Variants in NECTIN1 observed in about 807,000 individuals in gnomAD.
The protein encoded by NECTIN1 is nectin cell adhesion molecule 1.
Under a neutral mutation model 48.0 loss-of-function variants are expected in NECTIN1, and 23 were observed. The observed-to-expected ratio is 0.48, with a 90% CI of 0.34 to 0.68. The LOEUF is 0.68. Among genes scored for constraint, NECTIN1 ranks in the 30% least tolerant of loss-of-function variants. The pLI, the probability that NECTIN1 is intolerant of heterozygous loss-of-function variation, is 0.01. For missense variants in NECTIN1, 591 were observed against 709.9 expected (o/e 0.83, Z 1.90); for synonymous variants, 270 against 288.9 (o/e 0.93, Z 0.66).
chr11:119,680,709 A>G (rs552866497), intron 1 of NECTIN1, among the ~76,000 whole-genome samples: 2 of 152,304 alleles, frequency 1.3e-5, no homozygotes, highest in African/African-American at 4.8e-5. Context: ...CCGTGTTCTG[A>G]AAGTTTCCCT....
intron 1 of NECTIN1, among the ~76,000 whole-genome samples, chr11:119,685,283 C>T (rs942583900): frequency 1.3e-5 from 2 of 152,260 alleles, no homozygotes; most frequent in Non-Finnish European, 2.9e-5. Flanking sequence ...GCCTGATGAC[C>T]CCCCAACTCC....
chr11:119,711,761 G>A (rs1591483087), intron 1 of NECTIN1, among the ~76,000 whole-genome samples: 1 of 152,208 alleles, frequency 6.6e-6, no homozygotes, highest in South Asian at 2.1e-4. Flanking sequence ...TAAAGTTGTG[G>A]GAGTGTAGAG....
rs1013182533 is a variant in NECTIN1, at chr11:119,687,694, G to A, written c.80-8929C>T. ...GAGGGAGAATTCCCCAGGCTTCCCC[G>A]GAGAATCTTTTAAAAGCTCAGTATT... On this transcript the variant is annotated intron_variant, in intron 1 of 5. Coordinates refer to ENST00000264025, the MANE Select transcript of NECTIN1 (RefSeq NM_002855.5). 2.6e-5 allele frequency among the ~76,000 whole-genome samples: 4 copies of A among 152,294 alleles called. No homozygotes were observed. The East Asian group carries it at 7.7e-4, about 29-fold the overall frequency.
intron 1 of NECTIN1, among the ~76,000 whole-genome samples, chr11:119,710,859 C>T (rs1439367808): frequency 6.6e-6 from 1 of 152,110 alleles, no homozygotes; most frequent in Admixed American, 6.5e-5. Flanking sequence ...CATCACACAG[C>T]GCCCGCCTGT....
Position 119,663,345 on chromosome 11 carries a change from C to T in NECTIN1, c.*1402G>A, listed in dbSNP as rs975027931. 4.1e-6 allele frequency: 4 copies of T among 985,286 alleles called. No individual in the cohort carries two copies. The African/African-American group carries it at 5.2e-5, about 13-fold the overall frequency. The allele number at this position is 985,286 out of a possible 1,614,324, so 61.0% of individuals were successfully genotyped here. A position where few individuals can be genotyped will look rare whatever the true frequency, so the allele number is the denominator to read the frequency against. On this transcript the variant is annotated 3_prime_UTR_variant, in exon 6 of 6. Transcript: ENST00000264025. ...TTCCTCCATTATATACATGGGAAGA[C>T]CCAGTCTGGGGTGGCTGATAGGAAC...
At chr11:119,723,035 G>T (rs1865858494) in intron 1 of NECTIN1, among the ~76,000 whole-genome samples, 1 of 152,022 alleles carries the variant, frequency 6.6e-6, no homozygotes. Context: ...GGCTAACAGG[G>T]TGAAACCCCG....
intron 1 of NECTIN1, among the ~76,000 whole-genome samples, chr11:119,687,043 A>G (rs1368762716): frequency 6.6e-6 from 1 of 152,130 alleles, no homozygotes; most frequent in Non-Finnish European, 1.5e-5. Context: ...AAAGGCAGAA[A>G]TGGAAAGTGA....
chr11:119,657,593 G>GA (rs1443548191), downstream of NECTIN1, among the ~76,000 whole-genome samples: 1 of 133,032 alleles, frequency 7.5e-6, no homozygotes, highest in Admixed American at 8.0e-5. Context: ...CTAGCCTGGT[G>GA]ATAGAGTGAG....
At chr11:119,656,018 C>A (rs1181737319), downstream of NECTIN1, among the ~76,000 whole-genome samples, 1 of 151,876 alleles carries the variant, frequency 6.6e-6, no homozygotes, top group East Asian at 1.9e-4. Flanking sequence ...CCACCTCAGC[C>A]TCCCAAGTAG....
chr11:119,728,360 A>T (rs1865952183), intron 1 of NECTIN1, 115 bp downstream of exon 1: 4 of 1,031,374 alleles, frequency 3.9e-6, no homozygotes, highest in East Asian at 2.8e-5. Flanking sequence ...CCAAGCCGTG[A>T]CCCAACTTTT....
chr11:119,713,829 G>A lies in NECTIN1; in HGVS notation c.79+14646C>T. On this transcript the variant is annotated intron_variant, in intron 1 of 5. Coordinates refer to ENST00000264025, the MANE Select transcript of NECTIN1 (RefSeq NM_002855.5). ...CTGGGTTAGCCTCAGAGTTCGGCGA[G>A]GGGAGGCACTGTTTGGGGCTACAGT... 1.5e-5 allele frequency: 7 copies of A among 455,822 alleles called. 1 individual carries two copies. Among genetic ancestry groups the A allele is most frequent in the South Asian group, 1.1e-4 (7 of 64,546 alleles). 28.2% of individuals were successfully genotyped at this position (455,822 alleles called of 1,614,324 possible).
chr11:119,647,160 CATGTGTGTGTGTGTGTGTGT>C (rs1420298869), intron 5 of NECTIN1, among the ~76,000 whole-genome samples: 98 of 71,358 alleles, frequency 1.4e-3, no homozygotes, highest in African/African-American at 4.8e-3. Context: ...GCTTGCGGCG[CATGTGTGTGTGTGTGTGTGT>C]GTGTGTGTGT....
chr11:119,717,045 G>A lies in NECTIN1; in HGVS notation c.79+11430C>T, dbSNP rs185166853. Among the ~76,000 whole-genome samples the A allele has an allele frequency of 3.5e-3, 530 of 152,382 alleles. 7 individuals carry two copies. Among genetic ancestry groups the A allele is most frequent in the African/African-American group, 0.012 (493 of 41,600 alleles). ...GGCTAGCAGTAATGGAGTGATGGGA[G>A]ATGAGAGAGGGTAATGGGGATATTT... On this transcript the variant is annotated intron_variant, in intron 1 of 5. Coordinates refer to ENST00000264025, the MANE Select transcript of NECTIN1 (RefSeq NM_002855.5).
At chr11:119,702,821 C>T (rs952865689) in intron 1 of NECTIN1, among the ~76,000 whole-genome samples, 3 of 152,200 alleles carry the variant, frequency 2.0e-5, no homozygotes, top group Admixed American at 6.5e-5. Flanking sequence ...GGCGCTGTGG[C>T]CCCCACACCT....
intron 1 of NECTIN1, among the ~76,000 whole-genome samples, chr11:119,693,868 G>GTTTTCT: frequency 6.6e-6 from 1 of 152,228 alleles, no homozygotes; most frequent in Admixed American, 6.5e-5. Flanking sequence ...GAAAGGGTGG[G>GTTTTCT]TTTTCTTTTT....
chr11:119,658,058 C>T (rs987050477), downstream of NECTIN1, among the ~76,000 whole-genome samples: 5 of 151,978 alleles, frequency 3.3e-5, no homozygotes, highest in Admixed American at 6.6e-5. Flanking sequence ...AAGTTCTCTG[C>T]GCTCAATGGG....
intron 5 of NECTIN1, among the ~76,000 whole-genome samples, chr11:119,655,642 C>T (rs1864561434): frequency 6.6e-6 from 1 of 152,180 alleles, no homozygotes; most frequent in South Asian, 2.1e-4. Flanking sequence ...TGAGGAGTAG[C>T]CATCTTCCAA....
intron 1 of NECTIN1, among the ~76,000 whole-genome samples, chr11:119,694,517 C>A (rs1308912880): frequency 2.0e-5 from 3 of 152,148 alleles, no homozygotes; most frequent in African/African-American, 4.8e-5. Context: ...GGCCTGGGTC[C>A]CCTGGAAGCT....
intron 5 of NECTIN1, chr11:119,643,013 T>G (rs1371830155): frequency 2.0e-5 from 3 of 153,750 alleles, no homozygotes; most frequent in African/African-American, 4.8e-5. Flanking sequence ...TGCACTCGTG[T>G]GGGCATTAGG....
Sources: gnomAD v4.1 joint callset for allele counts (sites outside exome capture counted in the v4.1 genomes callset) on GRCh38, gnomAD v4.1.1 for gene constraint, MANE v1.5 for transcripts, NCBI Gene and HGNC (gene_info 2026-07-23, HGNC 2026-07-21) for gene names.